The following ABI3 variants were observed in gnomAD, a reference collection of about 807,000 sequenced individuals.
ABI3 encodes the protein ABI family member 3, also known as ABI gene family member 3.
A neutral mutation model predicts 37.0 loss-of-function variants in ABI3; 24 were observed. The observed-to-expected ratio is 0.65, with a 90% CI of 0.47 to 0.91. ABI3 has a LOEUF of 0.91. ABI3 is among the 40% of genes least tolerant of loss of function. ABI3 has a pLI of 0.00. For missense variants in ABI3, 481 were observed against 485.1 expected (o/e 0.99, Z 0.08); for synonymous variants, 220 against 211.8 (o/e 1.04, Z -0.34).
chr17:49,220,250 C>T lies in ABI3; in HGVS notation c.726C>T (p.Asp242=), dbSNP rs1567884652. 1.2e-6 allele frequency: 2 copies of T among 1,610,404 alleles called. No homozygotes were observed. Among genetic ancestry groups the T allele is most frequent in the Non-Finnish European group, 1.7e-6 (2 of 1,179,008 alleles). The part of the protein sequence containing the change: ...PPAPPLPSSL[D]PPPPPAAVEV... ...CCCCACCTCTCCCCAGCTCCTTGGACCCACCTCCTCCACCAGCAGCCGTCG... is the reference window on the plus strand; with the variant it reads ...CCCCACCTCTCCCCAGCTCCTTGGATCCACCTCCTCCACCAGCAGCCGTCG... The change falls in exon 6 of 8, where the codon GAC becomes GAT. Residue 242 remains aspartate, a synonymous_variant. Coordinates refer to ENST00000225941, the MANE Select transcript of ABI3 (RefSeq NM_016428.3).
At chr17:49,215,097 G>A (rs2043206598) in intron 1 of ABI3, among the ~76,000 whole-genome samples, 1 of 152,224 alleles carries the variant, frequency 6.6e-6, no homozygotes, top group Admixed American at 6.5e-5. Flanking sequence ...TGGGCTGGGG[G>A]AAATCTTAGT....
intron 7 of ABI3, 122 bp downstream of exon 7, chr17:49,222,347 C>A: frequency 7.0e-7 from 1 of 1,421,212 alleles, no homozygotes; most frequent in Middle Eastern, 1.8e-4. Context: ...ATTTTTCTGA[C>A]GAACTGACAG....
At chr17:49,220,095 T>C (rs1038900696) in intron 5 of ABI3, 74 bp from the exon 6 acceptor site, 1 of 1,601,150 alleles carries the variant, frequency 6.2e-7, no homozygotes, top group South Asian at 1.1e-5. Flanking sequence ...GGGGTCAGGA[T>C]TGGAGGGGTG....
chr17:49,221,524 C>T (rs997812517), intron 6 of ABI3, among the ~76,000 whole-genome samples: 9 of 152,054 alleles, frequency 5.9e-5, no homozygotes, highest in East Asian at 1.9e-4. Context: ...TACCACTCTC[C>T]GTTAACAGAT....
At chr17:49,213,329 G>A (rs961339478) in intron 1 of ABI3, among the ~76,000 whole-genome samples, 4 of 152,166 alleles carry the variant, frequency 2.6e-5, no homozygotes, top group Non-Finnish European at 1.5e-5. Context: ...TGCTTCCTTC[G>A]TGCAGAGTAC....
In ABI3 at chr17:49,222,583, G is replaced by A. The variant is rs779153352; in HGVS notation, c.969G>A (p.Lys323=). 6.2e-7 allele frequency: 1 copy of A among 1,613,940 alleles called. No homozygotes were observed. Among genetic ancestry groups the A allele is most frequent in the African/African-American group, 1.3e-5 (1 of 74,920 alleles). The change falls in exon 8 of 8, where the codon AAG becomes AAA. Residue 323 remains lysine, a synonymous_variant. Coordinates refer to ENST00000225941, the MANE Select transcript of ABI3 (RefSeq NM_016428.3). The stretch of plus-strand genomic sequence containing the variant: ...CACTGTACCCATACACCAGCCAGAA[G>A]GACAATGAGCTCTCCTTCTCTGAGG... ...VVTLYPYTSQ[K]DNELSFSEGT... is the part of the protein sequence containing the mutation.
intron 6 of ABI3, among the ~76,000 whole-genome samples, chr17:49,221,095 C>T (rs1218486481): frequency 6.6e-6 from 1 of 151,328 alleles, no homozygotes; most frequent in East Asian, 1.9e-4. Context: ...ATCACTTGAA[C>T]CCAGGAGGCA....
Position 49,217,903 on chromosome 17 carries a change from C to A in ABI3, c.450C>A (p.Gly150=). 6.4e-7 allele frequency: 1 copy of A among 1,564,270 alleles called. No individual in the cohort carries two copies. The highest frequency in any genetic ancestry group is 8.6e-7 in the Non-Finnish European group (1 of 1,159,508). Reference sequence around the variant, plus strand: ...ACTTTGGCTGCCTGGACGACATTGGCCATGGGATCAAGGTAGAGAGAGGGG... The same window carrying A: ...ACTTTGGCTGCCTGGACGACATTGGACATGGGATCAAGGTAGAGAGAGGGG... ...PLNFGCLDDI[G]HGIKDLSTQL... is the part of the protein sequence containing the mutation. The change falls in exon 3 of 8, where the codon GGC becomes GGA. Residue 150 remains glycine (G), a synonymous_variant. Transcript: ENST00000225941.
At position 49,217,648 on chromosome 17, in the gene ABI3, C is replaced by A. The variant is rs192084567; in HGVS notation, c.286-91C>A. ...TTTTCTAGACCTGGCTGCCTCCCCC[C>A]CCCAGCCCAGTCTTTATCTTCTTCC... On this transcript the variant is annotated intron_variant, in intron 2 of 7. Coordinates refer to ENST00000225941, the MANE Select transcript of ABI3 (RefSeq NM_016428.3). The A allele has an allele frequency of 1.3e-4, 168 of 1,274,930 alleles. 1 individual carries two copies. The highest frequency in any genetic ancestry group is 3.4e-4 in the East Asian group (12 of 35,272). The allele number at this position is 1,274,930 out of a possible 1,614,324, so 79.0% of individuals were successfully genotyped here.
At position 49,219,893 on chromosome 17, in the gene ABI3, C is replaced by G. The variant is rs1405321081; in HGVS notation, c.584C>G (p.Pro195Arg). 1 of 1,553,226 alleles carries G rather than the reference C, an allele frequency of 6.4e-7. No homozygotes were observed. The highest frequency in any genetic ancestry group is 8.7e-7 in the Non-Finnish European group (1 of 1,154,744). ...CGGATTCCCGAGCCAGTGCACCTGC[C>G]GGTGGTGCCCGACGGCAGACTCTCC... The part of the protein sequence containing the change: ...PPRIPEPVHL[P>R]VVPDGRLSAA... The change falls in exon 5 of 8, where the codon CCG (proline) becomes CGG (arginine). Residue 195 changes from proline (P) to arginine (R), a missense_variant. By Grantham distance (103) the Pro-to-Arg change is moderately radical. Transcript: ENST00000225941. This position sits in a 1 kb window ranked among gnomAD's most constrained non-coding sequence, Gnocchi z 4.3.
At chr17:49,218,631 T>C in intron 3 of ABI3, among the ~76,000 whole-genome samples, 1 of 151,860 alleles carries the variant, frequency 6.6e-6, no homozygotes. Flanking sequence ...GAGATGGAGT[T>C]TCGCTCTTGT....
chr17:49,220,258 C>A lies in ABI3; in HGVS notation c.734C>A (p.Pro245His). Reference protein sequence around the residue: ...PPLPSSLDPPPPPAAVEVFQR... With the variant: ...PPLPSSLDPPHPPAAVEVFQR... Reference sequence around the variant, plus strand: ...CTCCCCAGCTCCTTGGACCCACCTCCTCCACCAGCAGCCGTCGAGGTGTTC... The same window carrying A: ...CTCCCCAGCTCCTTGGACCCACCTCATCCACCAGCAGCCGTCGAGGTGTTC... The change falls in exon 6 of 8, where the codon CCT becomes CAT. Residue 245 changes from proline to histidine, a missense_variant. By Grantham distance (77) the Pro-to-His change is moderately conservative. Transcript: ENST00000225941. The A allele has an allele frequency of 6.2e-7, 1 of 1,610,054 alleles. No individual in the cohort carries two copies. The highest frequency in any genetic ancestry group is 8.5e-7 in the Non-Finnish European group (1 of 1,178,804).
intron 1 of ABI3, among the ~76,000 whole-genome samples, chr17:49,215,336 C>T (rs686259): frequency 0.033 from 5,060 of 152,180 alleles, 132 homozygotes; most frequent in African/African-American, 0.063. Context: ...AGGGGCTGTA[C>T]GTAGGCCACG....
intron 7 of ABI3, 130 bp downstream of exon 7, chr17:49,222,355 C>T (rs2143547945): frequency 1.4e-6 from 2 of 1,403,240 alleles, no homozygotes; most frequent in Non-Finnish European, 9.5e-7. Flanking sequence ...GACGAACTGA[C>T]AGAACTGGGG....
At position 49,216,674 on chromosome 17, in the gene ABI3, A is replaced by G. The variant is rs35031462; in HGVS notation, c.261A>G (p.Glu87=). ...DLQGAALRQV[E]ARVSTLGQMV... ...AGGGGGCCGCCCTGCGGCAGGTGGA[A>G]GCCCGTGTAAGCACGCTGGGCCAGG... The change falls in exon 2 of 8, where the codon GAA becomes GAG. Residue 87 remains glutamate (E), a synonymous_variant. Transcript: ENST00000225941. The G allele has an allele frequency of 2.9e-3, 4,632 of 1,590,868 alleles. 141 individuals carry two copies. In the African/African-American group the frequency reaches 0.056, roughly 19 times the overall value.
intron 1 of ABI3, among the ~76,000 whole-genome samples, chr17:49,214,352 G>A (rs557841162): frequency 2.0e-5 from 3 of 152,190 alleles, no homozygotes; most frequent in Admixed American, 6.5e-5. Context: ...GAAGCTGCCC[G>A]GGGAACCAAA....
chr17:49,213,835 C>G (rs1216491973), intron 1 of ABI3, among the ~76,000 whole-genome samples: 1 of 152,214 alleles, frequency 6.6e-6, no homozygotes, highest in East Asian at 1.9e-4. Context: ...GATGAAGGAG[C>G]AGTCACTGCT....
At chr17:49,213,162 T>C (rs1379966648) in intron 1 of ABI3, among the ~76,000 whole-genome samples, 1 of 152,156 alleles carries the variant, frequency 6.6e-6, no homozygotes, top group Non-Finnish European at 1.5e-5. Flanking sequence ...GCCAGCCCCT[T>C]CAGAAGAGCA....
chr17:49,211,323 T>C (rs2043165097), intron 1 of ABI3, among the ~76,000 whole-genome samples: 1 of 151,912 alleles, frequency 6.6e-6, no homozygotes, highest in East Asian at 1.9e-4. Flanking sequence ...TAAGGCAGAG[T>C]AGGCTGGGCT....
Sources: allele counts gnomAD v4.1 joint callset (sites outside exome capture counted in the v4.1 genomes callset), GRCh38; gene constraint gnomAD v4.1.1; non-coding constraint Gnocchi (gnomAD v3.1); transcripts MANE v1.5; gene names NCBI Gene and HGNC (gene_info 2026-07-23, HGNC 2026-07-21).